ARRB1: variants seen among roughly 807,000 people sequenced by gnomAD.
ARRB1 encodes arrestin beta 1.
A neutral mutation model predicts 56.8 loss-of-function variants in ARRB1; 21 were observed. The observed-to-expected ratio is 0.37, with a 90% CI of 0.26 to 0.53. The LOEUF (loss-of-function observed/expected upper bound fraction) is 0.53. Ranked by LOEUF, ARRB1 falls within the 20% of genes least tolerant of loss-of-function variation. The pLI is 0.88. For missense variants in ARRB1, 424 were observed against 553.7 expected (o/e 0.77, Z 2.35); for synonymous variants, 210 against 218.6 (o/e 0.96, Z 0.35).
chr11:75,278,771 G>A, intron 7 of ARRB1, 27 bp from the exon 8 acceptor site: 2 of 1,585,160 alleles, frequency 1.3e-6, no homozygotes, highest in Non-Finnish European at 1.7e-6. Context: ...GAGTGAAAGA[G>A]GACCAGGGTC....
At chr11:75,274,557 C>T (rs143331655) in intron 10 of ARRB1, 2,061 of 183,956 alleles carry the variant, frequency 0.011, 43 homozygotes, top group African/African-American at 0.045. Context: ...TTTGGGAGGC[C>T]GAGGCGGGTA....
At chr11:75,302,357 A>G (rs1454736961) in intron 1 of ARRB1, among the ~76,000 whole-genome samples, 2 of 152,232 alleles carry the variant, frequency 1.3e-5, no homozygotes, top group Admixed American at 1.3e-4. Flanking sequence ...GAGTGAGGAA[A>G]GAGGGGGCCA....
At chr11:75,346,839 C>T (rs1361623487) in intron 1 of ARRB1, among the ~76,000 whole-genome samples, 2 of 152,224 alleles carry the variant, frequency 1.3e-5, no homozygotes, top group East Asian at 3.9e-4. Context: ...AAAGCCCTGC[C>T]TCGCACCTTG....
At chr11:75,338,822 G>C (rs1947651990) in intron 1 of ARRB1, among the ~76,000 whole-genome samples, 1 of 152,076 alleles carries the variant, frequency 6.6e-6, no homozygotes, top group East Asian at 1.9e-4. Flanking sequence ...TCTCCTTATT[G>C]AGTTTTAAAA....
At chr11:75,303,097 G>C (rs1657572415) in intron 1 of ARRB1, among the ~76,000 whole-genome samples, 1 of 152,022 alleles carries the variant, frequency 6.6e-6, no homozygotes, top group Non-Finnish European at 1.5e-5. Flanking sequence ...CGCCTCCTGG[G>C]CTCAAGCAAT....
rs112569036 is a variant in ARRB1, at chr11:75,294,056, C to T, written c.21-4017G>A. On this transcript the variant is annotated intron_variant, in intron 1 of 15. Transcript: ENST00000420843. ...TCCCACTGCTAACTGGTTGAATGGC[C>T]CACTTCCAAATTCCCAGTAGAGGAA... Among the ~76,000 whole-genome samples, 51 of 152,224 alleles carry T rather than the reference C, an allele frequency of 3.4e-4. No individual in the cohort carries two copies. The East Asian group carries it at 5.6e-3, about 17-fold the overall frequency.
At chr11:75,285,369 G>A (rs1946445261) in intron 3 of ARRB1, among the ~76,000 whole-genome samples, 1 of 152,230 alleles carries the variant, frequency 6.6e-6, no homozygotes, top group African/African-American at 2.4e-5. Context: ...CAGCACCCCA[G>A]GAGGCCAGAA....
intron 1 of ARRB1, among the ~76,000 whole-genome samples, chr11:75,350,142 T>G (rs1947824984): frequency 6.6e-6 from 1 of 152,212 alleles, no homozygotes; most frequent in Non-Finnish European, 1.5e-5. Context: ...AAAATGGAAA[T>G]AATCTCTGCA....
intron 11 of ARRB1, among the ~76,000 whole-genome samples, chr11:75,273,721 A>T (rs1946127641): frequency 6.6e-6 from 1 of 151,982 alleles, no homozygotes; most frequent in African/African-American, 2.4e-5. Context: ...AACCCAGCTC[A>T]CCACCCTGGT....
At chr11:75,295,884 G>C (rs1946731602) in intron 1 of ARRB1, among the ~76,000 whole-genome samples, 1 of 152,170 alleles carries the variant, frequency 6.6e-6, no homozygotes, top group South Asian at 2.1e-4. Context: ...TCTCCTGGCT[G>C]ATACAAAAAG....
At chr11:75,269,132 A>T in intron 13 of ARRB1, 173 bp from the exon 14 acceptor site, 1 of 756,008 alleles carries the variant, frequency 1.3e-6, no homozygotes, top group Non-Finnish European at 2.4e-6. Context: ...TCTGCCTGGG[A>T]GCTGGACGAG....
chr11:75,350,312 A>G lies in ARRB1; in HGVS notation c.20+1276T>C, dbSNP rs919566230. On this transcript the variant is annotated intron_variant, in intron 1 of 15. Transcript: ENST00000420843. ...GCCTTGCGCATCTTTGATCCCCCAC[A>G]CTACGCCTAGTATACAGCAAGAGCT... Among the ~76,000 whole-genome samples the G allele has an allele frequency of 3.3e-5, 5 of 152,290 alleles. No individual in the cohort carries two copies. The East Asian group carries it at 9.6e-4, about 29-fold the overall frequency.
chr11:75,280,295 G>A (rs1250937920), intron 7 of ARRB1, among the ~76,000 whole-genome samples: 1 of 152,164 alleles, frequency 6.6e-6, no homozygotes, highest in Non-Finnish European at 1.5e-5. Context: ...ACAGCTGCCA[G>A]GGCTGCAGAT....
intron 13 of ARRB1, chr11:75,269,279 G>C (rs1204723532): frequency 1.5e-5 from 8 of 518,788 alleles, no homozygotes; most frequent in Non-Finnish European, 2.2e-5. Flanking sequence ...TCACTGCGGG[G>C]CTCCAGAGGT....
chr11:75,295,796 A>T (rs1205530222), intron 1 of ARRB1, among the ~76,000 whole-genome samples: 1 of 152,184 alleles, frequency 6.6e-6, no homozygotes, highest in African/African-American at 2.4e-5. Flanking sequence ...CCACTACATG[A>T]CAGATGTGTA....
intron 1 of ARRB1, 29 bp downstream of exon 1, chr11:75,351,559 C>T: frequency 3.3e-6 from 5 of 1,498,672 alleles, no homozygotes; most frequent in Non-Finnish European, 4.4e-6. Flanking sequence ...CCCCACGCGC[C>T]CCCCGCCGGG....
At chr11:75,310,432 C>A (rs112786901) in intron 1 of ARRB1, among the ~76,000 whole-genome samples, 1 of 152,138 alleles carries the variant, frequency 6.6e-6, no homozygotes, top group Non-Finnish European at 1.5e-5. Flanking sequence ...TATAAGGAAT[C>A]GCATGTAAGA....
At chr11:75,273,120 G>A in intron 11 of ARRB1, 142 bp from the exon 12 acceptor site, 2 of 686,718 alleles carry the variant, frequency 2.9e-6, no homozygotes, top group Non-Finnish European at 5.1e-6. Flanking sequence ...GAGCCCAGTG[G>A]AGATGAGGAA....
chr11:75,347,519 G>T (rs966621252), intron 1 of ARRB1, among the ~76,000 whole-genome samples: 2 of 152,206 alleles, frequency 1.3e-5, no homozygotes, highest in African/African-American at 4.8e-5. Context: ...TGTCTGTTGA[G>T]TAAGTGGAAA....
Sources: allele counts gnomAD v4.1 joint callset (sites outside exome capture counted in the v4.1 genomes callset), GRCh38; gene constraint gnomAD v4.1.1; transcripts MANE v1.5; gene names NCBI Gene and HGNC (gene_info 2026-07-23, HGNC 2026-07-21).